C5orf58: variants seen among roughly 807,000 people sequenced by gnomAD.
C5orf58 encodes the protein chromosome 5 open reading frame 58, also known as putative uncharacterized protein C5orf58.
Under a neutral mutation model 2.9 loss-of-function variants are expected in C5orf58, and 2 were observed. The observed-to-expected ratio is 0.69, with a 90% confidence interval of 0.28 to 2.18. The LOEUF is 2.18. Among genes scored for constraint, C5orf58 ranks in the 30% most tolerant of loss-of-function variants. The pLI, the probability that C5orf58 is intolerant of heterozygous loss-of-function variation, is 0.13. For missense variants in C5orf58, 96 were observed against 91.7 expected (o/e 1.05, Z -0.19); for synonymous variants, 37 against 33.4 (o/e 1.11, Z -0.37).
downstream of C5orf58, chr5:170,248,516 A>C: frequency 1.6e-6 from 1 of 620,592 alleles, no homozygotes; most frequent in Non-Finnish European, 2.8e-6. Context: ...AAGAATAAAT[A>C]AATTATGGGA....
chr5:170,235,810 T>C lies in C5orf58; in HGVS notation c.94+740T>C, dbSNP rs979706861. The stretch of plus-strand genomic sequence containing the variant: ...ATTTAAAGATAACCTGTGTCAGTTA[T>C]GAGGCCTACATCTATAAGTAACAAA... On this transcript the variant is annotated intron_variant, in intron 3 of 3. Coordinates refer to ENST00000593851, the MANE Select transcript of C5orf58 (RefSeq NM_001102609.3). Among the ~76,000 whole-genome samples, 9 of 152,326 alleles carry C rather than the reference T, an allele frequency of 5.9e-5. No homozygotes were observed. In the East Asian group the frequency reaches 1.5e-3, roughly 26 times the overall value.
Position 170,246,223 on chromosome 5 carries a change from AAAC to A in C5orf58, c.*113_*115del. The A allele has an allele frequency of 1.1e-6, 1 of 907,544 alleles. No individual in the cohort carries two copies. Among genetic ancestry groups the A allele is most frequent in the South Asian group, 2.1e-5 (1 of 47,080 alleles). The allele number at this position is 907,544 out of a possible 1,614,324, so 56.2% of individuals were successfully genotyped here. A position where few individuals can be genotyped will look rare whatever the true frequency, so the allele number is the denominator to read the frequency against. On this transcript the variant is annotated 3_prime_UTR_variant, in exon 4 of 4. Transcript: ENST00000593851. ...ATTTAAAACAAAATAAAAATAATGT[AAAC>A]AAGCAGTTCATGTTCTTGAAGGCTG...
chr5:170,251,911 C>A (rs1761453051), exon 3 of C5orf58: 1 of 243,070 alleles, frequency 4.1e-6, no homozygotes. Flanking sequence ...TTTGCTTTCC[C>A]ATTTCTGATA....
In C5orf58 at chr5:170,241,385, G is replaced by A. The variant is rs1488503497; in HGVS notation, c.95-4577G>A. On this transcript the variant is annotated intron_variant, in intron 3 of 3. Coordinates refer to ENST00000593851, the MANE Select transcript of C5orf58 (RefSeq NM_001102609.3). Reference sequence around the variant, plus strand: ...CCTTGGGCAGTATGGCCATTTTCACGATATTGATTCTTCCTACCCATGAGC... The same window carrying A: ...CCTTGGGCAGTATGGCCATTTTCACAATATTGATTCTTCCTACCCATGAGC... 5.1e-3 allele frequency among the ~76,000 whole-genome samples: 773 copies of A among 151,198 alleles called. 7 individuals carry two copies. Among genetic ancestry groups the A allele is most frequent in the African/African-American group, 0.018 (734 of 40,634 alleles).
downstream of C5orf58, chr5:170,250,645 C>G (rs578058528): frequency 1.9e-6 from 2 of 1,066,408 alleles, no homozygotes; most frequent in Non-Finnish European, 2.9e-6. Context: ...CCATACAGCA[C>G]GGACTCTCAA....
rs766716471 is a variant in C5orf58 at position 170,246,050 on chromosome 5, C to A, written c.183C>A (p.Asn61Lys). The change falls in exon 4 of 4, where the codon AAC (asparagine) becomes AAA (lysine). Residue 61 changes from asparagine (N) to lysine (K), a missense_variant. Asn to Lys is a moderately conservative substitution (Grantham distance 94). Transcript: ENST00000593851. ...ACTTAGCAGAAGCAGAAAGAAACAA[C>A]CCCCTCTTTGAAGAGTCTAAAATAT... ...TENLAEAERN[N>K]PLFEESKISD... is the part of the protein sequence containing the mutation. The A allele has an allele frequency of 1.9e-6, 3 of 1,613,552 alleles. No individual in the cohort carries two copies. Among genetic ancestry groups the A allele is most frequent in the Non-Finnish European group, 2.5e-6 (3 of 1,179,584 alleles).
intron 3 of C5orf58, among the ~76,000 whole-genome samples, chr5:170,239,807 G>T (rs1363765197): frequency 6.6e-6 from 1 of 151,668 alleles, no homozygotes; most frequent in Non-Finnish European, 1.5e-5. Flanking sequence ...TAAGTTTTAG[G>T]GTACATGTGC....
downstream of C5orf58, chr5:170,252,327 C>G (rs1761462801): frequency 3.3e-6 from 2 of 606,160 alleles, no homozygotes; most frequent in Non-Finnish European, 5.8e-6. Context: ...CAGAAAGCAA[C>G]AGCACCTAGC....
At chr5:170,235,148 G>A (rs1760691239) in intron 3 of C5orf58, 78 bp downstream of exon 3, 1 of 751,866 alleles carries the variant, frequency 1.3e-6, no homozygotes, top group African/African-American at 1.8e-5. Flanking sequence ...TTTCTGCTGG[G>A]GTATAAGTAA....
chr5:170,236,105 A>G (rs532560969), intron 3 of C5orf58, among the ~76,000 whole-genome samples: 1 of 152,084 alleles, frequency 6.6e-6, no homozygotes, highest in African/African-American at 2.4e-5. Context: ...TGATGCTTAC[A>G]GCAGCCACAG....
chr5:170,245,838 A>C, intron 3 of C5orf58, 124 bp from the exon 4 acceptor site: 1 of 926,090 alleles, frequency 1.1e-6, no homozygotes, highest in South Asian at 1.7e-5. Context: ...GACACACTTA[A>C]GTTGTGGTTT....
At chr5:170,234,265 G>C in intron 2 of C5orf58, 67 bp downstream of exon 2, 2 of 962,762 alleles carry the variant, frequency 2.1e-6, no homozygotes, top group Non-Finnish European at 3.0e-6. Context: ...CACACTGCTG[G>C]AGTTGTGTAT....
intron 3 of C5orf58, among the ~76,000 whole-genome samples, chr5:170,240,210 AT>A (rs1427178357): frequency 6.6e-6 from 1 of 151,290 alleles, no homozygotes; most frequent in African/African-American, 2.4e-5. Context: ...AGTCTTTGCT[AT>A]TGTGAATAAT....
chr5:170,249,301 C>G (rs149382352), downstream of C5orf58, among the ~76,000 whole-genome samples: 20 of 150,282 alleles, frequency 1.3e-4, no homozygotes, highest in Admixed American at 1.3e-3. Context: ...GCACTCCAGC[C>G]TGGGTAACAA....
intron 1 of C5orf58, chr5:170,233,914 C>A (rs967524361): frequency 1.1e-5 from 4 of 362,604 alleles, no homozygotes; most frequent in South Asian, 8.6e-5. Context: ...TTCTACTTTA[C>A]TATTTTTAAA....
downstream of C5orf58, chr5:170,247,868 T>TG (rs1248234281): frequency 1.3e-5 from 2 of 152,248 alleles, no homozygotes; most frequent in African/African-American, 2.4e-5. Flanking sequence ...AGAAGGTTGG[T>TG]GGGGGGCTGT....
downstream of C5orf58, chr5:170,251,030 C>G (rs1056884897): frequency 1.6e-6 from 1 of 610,734 alleles, no homozygotes; most frequent in South Asian, 2.1e-5. Flanking sequence ...TGTCATTCAA[C>G]GAACATTCAG....
exon 3 of C5orf58, chr5:170,251,941 T>C: frequency 8.0e-6 from 2 of 249,378 alleles, no homozygotes; most frequent in Non-Finnish European, 1.7e-5. Flanking sequence ...AAGGTAAAGT[T>C]TCGGCACTGG....
At chr5:170,252,032 C>T (rs998841106) in exon 3 of C5orf58, 2 of 199,120 alleles carry the variant, frequency 1.0e-5, no homozygotes, top group Admixed American at 1.0e-4. Flanking sequence ...AAGTTGCTGC[C>T]ATCTCTTTAA....
Sources: gnomAD v4.1 joint callset for allele counts (sites outside exome capture counted in the v4.1 genomes callset) on GRCh38, gnomAD v4.1.1 for gene constraint, MANE v1.5 for transcripts, NCBI Gene and HGNC (gene_info 2026-07-23, HGNC 2026-07-21) for gene names.